GRM7: variants seen among roughly 807,000 people sequenced by gnomAD.
GRM7 encodes the protein glutamate metabotropic receptor 7.
A neutral mutation model predicts 84.5 loss-of-function variants in GRM7; 35 were observed. The observed-to-expected ratio is 0.41, with a 90% CI of 0.32 to 0.55. The LOEUF (loss-of-function observed/expected upper bound fraction) is 0.55. GRM7 is among the 20% of genes least tolerant of loss of function. GRM7 has a pLI of 0.19. For synonymous variants in GRM7, 487 were observed against 455.1 expected (o/e 1.07, Z -0.89); for missense variants, 1,003 against 1,194.6 (o/e 0.84, Z 2.36).
chr3:6,983,552 G>C (rs560557153), intron 1 of GRM7, among the ~76,000 whole-genome samples: 4 of 149,560 alleles, frequency 2.7e-5, no homozygotes, highest in Non-Finnish European at 5.9e-5. Context: ...TCTAGTTACT[G>C]TTCCTAATAA....
intron 1 of GRM7, among the ~76,000 whole-genome samples, chr3:6,995,628 T>C (rs190221178): frequency 7.2e-5 from 11 of 152,330 alleles, no homozygotes; most frequent in Admixed American, 5.9e-4. Context: ...CTTTATTTAA[T>C]CTAACTGAAT....
chr3:7,394,191 CTT>C (rs903621432), intron 4 of GRM7, among the ~76,000 whole-genome samples: 4 of 152,200 alleles, frequency 2.6e-5, no homozygotes, highest in African/African-American at 9.7e-5. Context: ...CTTCCTCTCT[CTT>C]GTCCTAACTT....
chr3:7,546,079 A>G (rs1277202962), intron 7 of GRM7, among the ~76,000 whole-genome samples: 1 of 152,186 alleles, frequency 6.6e-6, no homozygotes, highest in Non-Finnish European at 1.5e-5. Flanking sequence ...GCCCAAATTT[A>G]TTAAAACCAT....
intron 1 of GRM7, among the ~76,000 whole-genome samples, chr3:6,951,468 T>A (rs1204352695): frequency 1.3e-5 from 2 of 152,184 alleles, no homozygotes; most frequent in Non-Finnish European, 2.9e-5. Flanking sequence ...ATTCTACAAA[T>A]ACTGACGTGT....
intron 8 of GRM7, among the ~76,000 whole-genome samples, chr3:7,651,140 C>T (rs1698918662): frequency 6.6e-6 from 1 of 152,156 alleles, no homozygotes; most frequent in Non-Finnish European, 1.5e-5. Flanking sequence ...AGTTCAGGGA[C>T]CCAAAGGGTT....
chr3:6,937,891 G>C (rs149579006), intron 1 of GRM7, among the ~76,000 whole-genome samples: 40 of 152,278 alleles, frequency 2.6e-4, no homozygotes, highest in African/African-American at 9.6e-4. Context: ...TTACTATGTA[G>C]ACTACATGCC....
At chr3:7,054,633 T>C (rs1697147434) in intron 1 of GRM7, among the ~76,000 whole-genome samples, 1 of 151,996 alleles carries the variant, frequency 6.6e-6, no homozygotes, top group Admixed American at 6.6e-5. Context: ...CTTCTATTTT[T>C]AATCATAATG....
intron 3 of GRM7, among the ~76,000 whole-genome samples, chr3:7,304,518 A>T (rs1700121697): frequency 6.6e-6 from 1 of 151,640 alleles, no homozygotes; most frequent in Non-Finnish European, 1.5e-5. Context: ...TTCTTTATTT[A>T]TTAAAAATAA....
intron 2 of GRM7, among the ~76,000 whole-genome samples, chr3:7,235,072 T>TA (rs1489587038): frequency 6.6e-6 from 1 of 152,128 alleles, no homozygotes; most frequent in African/African-American, 2.4e-5. Flanking sequence ...CTCATTAGAA[T>TA]AAAAAAAGTA....
chr3:7,397,580 A>T (rs905418845), intron 4 of GRM7, among the ~76,000 whole-genome samples: 10 of 152,174 alleles, frequency 6.6e-5, no homozygotes, highest in African/African-American at 2.4e-4. Context: ...TGCACCAAAA[A>T]TGATAAATGC....
intron 9 of GRM7, among the ~76,000 whole-genome samples, chr3:7,728,405 T>A (rs890175159): frequency 4.6e-5 from 7 of 152,202 alleles, no homozygotes; most frequent in African/African-American, 1.7e-4. Context: ...TACTTGCCGA[T>A]CTCTATGCCT....
chr3:7,371,552 A>G (rs1282470096), intron 4 of GRM7, among the ~76,000 whole-genome samples: 1 of 152,220 alleles, frequency 6.6e-6, no homozygotes, highest in Non-Finnish European at 1.5e-5. Context: ...TTGATTGTTT[A>G]TAATGTGCTA....
chr3:7,252,671 CTTTTCTTTTCTTT>C lies in GRM7; in HGVS notation c.737-45998_737-45986del, dbSNP rs553471409. 1.8e-3 allele frequency among the ~76,000 whole-genome samples: 236 copies of C among 134,598 alleles called. 2 individuals carry two copies. Among genetic ancestry groups the C allele is most frequent in the African/African-American group, 6.2e-3 (224 of 35,910 alleles). 88.3% of individuals were successfully genotyped at this position (134,598 alleles called of 152,430 possible). A position where few individuals can be genotyped will look rare whatever the true frequency, so the allele number is the denominator to read the frequency against. On this transcript the variant is annotated intron_variant, in intron 2 of 9. Transcript: ENST00000357716. Reference sequence around the variant, plus strand: ...TAGCTTTTCTCTTTTCTATTTTTTTCTTTTCTTTTCTTTTTTTCTTTTCTTTTCTTTACTGTGA... The same window carrying C: ...TAGCTTTTCTCTTTTCTATTTTTTTCTTTTCTTTTCTTTTCTTTACTGTGA...
chr3:7,322,201 CTT>C (rs1295174808), intron 4 of GRM7, among the ~76,000 whole-genome samples: 2 of 151,848 alleles, frequency 1.3e-5, no homozygotes, highest in African/African-American at 4.8e-5. Context: ...CTAGTGGACG[CTT>C]ATAATATGCC....
intron 4 of GRM7, among the ~76,000 whole-genome samples, chr3:7,373,859 T>A (rs893559544): frequency 9.9e-5 from 15 of 152,238 alleles, no homozygotes; most frequent in Non-Finnish European, 1.8e-4. Flanking sequence ...CATGTGTAGC[T>A]ATCAAACCTT....
At chr3:7,175,754 T>A (rs1361327811) in intron 2 of GRM7, among the ~76,000 whole-genome samples, 2 of 152,112 alleles carry the variant, frequency 1.3e-5, no homozygotes, top group African/African-American at 4.8e-5. Context: ...GCCAGGCTGA[T>A]CTTGAACTCC....
chr3:6,905,112 G>T (rs2125009631), intron 1 of GRM7, among the ~76,000 whole-genome samples: 1 of 152,216 alleles, frequency 6.6e-6, no homozygotes, highest in African/African-American at 2.4e-5. Flanking sequence ...CATTCTTCCA[G>T]AATTAATTTC....
At chr3:7,369,150 G>A (rs1289752493) in intron 4 of GRM7, among the ~76,000 whole-genome samples, 1 of 152,048 alleles carries the variant, frequency 6.6e-6, no homozygotes, top group Non-Finnish European at 1.5e-5. Flanking sequence ...GAACTCCTGG[G>A]CTCAAGTGAT....
At chr3:7,041,854 G>A (rs1696629277) in intron 1 of GRM7, among the ~76,000 whole-genome samples, 1 of 152,184 alleles carries the variant, frequency 6.6e-6, no homozygotes, top group African/African-American at 2.4e-5. Flanking sequence ...AGCCCCTTCT[G>A]CTCGCCTCTA....
Sources: gnomAD v4.1 joint callset for allele counts (sites outside exome capture counted in the v4.1 genomes callset) on GRCh38, gnomAD v4.1.1 for gene constraint, MANE v1.5 for transcripts, NCBI Gene and HGNC (gene_info 2026-07-23, HGNC 2026-07-21) for gene names.